SLC35F3: variants seen among roughly 807,000 people sequenced by gnomAD.
SLC35F3 encodes the protein putative thiamine transporter SLC35F3.
SLC35F3 carries 25 observed loss-of-function variants against 49.9 expected under a neutral mutation model. The ratio of observed to expected loss-of-function variants is 0.50; its 90% CI spans 0.37 to 0.70. The LOEUF (loss-of-function observed/expected upper bound fraction) is 0.70. SLC35F3 is among the 30% of genes least tolerant of loss of function. The pLI is 0.00. For missense variants in SLC35F3, 525 were observed against 639.8 expected, an observed-to-expected ratio of 0.82 and a Z score of 1.94; for synonymous variants, 275 against 265.4, an observed-to-expected ratio of 1.04 and a Z score of -0.35.
intron 2 of SLC35F3, among the ~76,000 whole-genome samples, chr1:234,012,341 C>T (rs1033933568): frequency 6.6e-6 from 1 of 152,222 alleles, no homozygotes; most frequent in Non-Finnish European, 1.5e-5. Flanking sequence ...TCTATCTCAA[C>T]TGCAAGAGGC....
chr1:234,221,101 AAG>A (rs59931810), intron 2 of SLC35F3, among the ~76,000 whole-genome samples: 3 of 151,866 alleles, frequency 2.0e-5, no homozygotes, highest in East Asian at 2.0e-4. Context: ...ACCGAGAAGA[AAG>A]AGAGAGAGTG....
intron 2 of SLC35F3, among the ~76,000 whole-genome samples, chr1:234,180,864 A>C (rs1031470751): frequency 6.6e-6 from 1 of 152,204 alleles, no homozygotes; most frequent in African/African-American, 2.4e-5. Context: ...TTCAACATTT[A>C]CAAAGTGGAA....
At chr1:234,108,151 A>G (rs2102885529) in intron 2 of SLC35F3, among the ~76,000 whole-genome samples, 1 of 146,770 alleles carries the variant, frequency 6.8e-6, no homozygotes, top group African/African-American at 2.5e-5. Context: ...ACCTTGTGCA[A>G]CATAGCGATA....
intron 2 of SLC35F3, among the ~76,000 whole-genome samples, chr1:234,182,775 A>G (rs575852836): frequency 6.6e-6 from 1 of 152,304 alleles, no homozygotes; most frequent in South Asian, 2.1e-4. Context: ...ATAAATGAGA[A>G]ATCATATTAG....
intron 2 of SLC35F3, among the ~76,000 whole-genome samples, chr1:233,924,810 C>T (rs1662130068): frequency 6.6e-6 from 1 of 152,204 alleles, no homozygotes; most frequent in African/African-American, 2.4e-5. Flanking sequence ...TTAAATGTGT[C>T]CCAGAGATTC....
At chr1:234,154,949 A>G (rs1448944881) in intron 2 of SLC35F3, among the ~76,000 whole-genome samples, 1 of 146,858 alleles carries the variant, frequency 6.8e-6, no homozygotes, top group Non-Finnish European at 1.5e-5. Flanking sequence ...CAGAGATACC[A>G]AAATTCCAGG....
chr1:233,948,236 A>G (rs985431419), intron 2 of SLC35F3, among the ~76,000 whole-genome samples: 8 of 150,526 alleles, frequency 5.3e-5, no homozygotes, highest in Admixed American at 4.0e-4. Flanking sequence ...AGGGAGAGAG[A>G]GAGAGAGAGA....
chr1:234,321,325 C>A (rs1336247271), intron 7 of SLC35F3, among the ~76,000 whole-genome samples: 2 of 152,196 alleles, frequency 1.3e-5, no homozygotes, highest in Non-Finnish European at 2.9e-5. Context: ...CATATCTGCT[C>A]TCTGAGCCTT....
At chr1:234,022,736 C>T (rs1359366398) in intron 2 of SLC35F3, among the ~76,000 whole-genome samples, 1 of 152,090 alleles carries the variant, frequency 6.6e-6, no homozygotes, top group East Asian at 1.9e-4. Context: ...AAATTTAAGT[C>T]TCAGAAAAAA....
At chr1:234,288,638 C>T (rs1160119575) in intron 3 of SLC35F3, among the ~76,000 whole-genome samples, 1 of 152,216 alleles carries the variant, frequency 6.6e-6, no homozygotes, top group African/African-American at 2.4e-5. Flanking sequence ...ATGCCAGCCT[C>T]TTTGCTGATT....
chr1:233,926,916 T>G (rs550610189), intron 2 of SLC35F3, among the ~76,000 whole-genome samples: 4 of 152,270 alleles, frequency 2.6e-5, no homozygotes, highest in African/African-American at 7.2e-5. Context: ...TCTGTTGGAG[T>G]TTGCTGGGGG....
intron 2 of SLC35F3, among the ~76,000 whole-genome samples, chr1:234,131,443 C>T (rs946830711): frequency 1.3e-5 from 2 of 152,116 alleles, no homozygotes; most frequent in Non-Finnish European, 2.9e-5. Context: ...CCTCACCCAG[C>T]CCCCCTTCCC....
intron 3 of SLC35F3, among the ~76,000 whole-genome samples, chr1:234,249,911 G>T (rs1259555606): frequency 6.6e-6 from 1 of 152,200 alleles, no homozygotes; most frequent in Non-Finnish European, 1.5e-5. Context: ...GCAGTTTGTG[G>T]AATGTATAGT....
At chr1:234,266,079 C>T (rs190967404) in intron 3 of SLC35F3, among the ~76,000 whole-genome samples, 57 of 152,316 alleles carry the variant, frequency 3.7e-4, no homozygotes, top group African/African-American at 1.2e-3. Flanking sequence ...AGCATTGACA[C>T]ACTATTTACT....
At chr1:234,184,213 C>T (rs1666601898) in intron 2 of SLC35F3, among the ~76,000 whole-genome samples, 1 of 151,842 alleles carries the variant, frequency 6.6e-6, no homozygotes, top group Non-Finnish European at 1.5e-5. Context: ...TACTTAGGAA[C>T]CATAATGATC....
At chr1:234,045,636 A>G (rs1228244172) in intron 2 of SLC35F3, among the ~76,000 whole-genome samples, 1 of 152,176 alleles carries the variant, frequency 6.6e-6, no homozygotes, top group Admixed American at 6.5e-5. Flanking sequence ...AAGAGTACAC[A>G]ATAACGTATT....
At chr1:234,003,428 G>A (rs1385068140) in intron 2 of SLC35F3, among the ~76,000 whole-genome samples, 1 of 152,074 alleles carries the variant, frequency 6.6e-6, no homozygotes, top group Non-Finnish European at 1.5e-5. Context: ...GGAAAAAACA[G>A]ATTATTCAGT....
intron 2 of SLC35F3, among the ~76,000 whole-genome samples, chr1:234,100,110 T>C (rs914044971): frequency 2.0e-5 from 3 of 152,194 alleles, no homozygotes; most frequent in African/African-American, 7.2e-5. Flanking sequence ...GGGTTTGTGG[T>C]GCTTATTAAA....
At chr1:234,055,083 C>T (rs879621078) in intron 2 of SLC35F3, among the ~76,000 whole-genome samples, 5 of 152,186 alleles carry the variant, frequency 3.3e-5, no homozygotes, top group East Asian at 3.9e-4. Context: ...TTAGACTACT[C>T]GGGGGTCAGG....
Sources: allele counts gnomAD v4.1 joint callset (sites outside exome capture counted in the v4.1 genomes callset), GRCh38; gene constraint gnomAD v4.1.1; transcripts MANE v1.5; gene names NCBI Gene and HGNC (gene_info 2026-07-23, HGNC 2026-07-21).